UBE2W: variants seen among roughly 807,000 people sequenced by gnomAD.
The protein encoded by UBE2W is ubiquitin conjugating enzyme E2 W.
Under a neutral mutation model 27.2 loss-of-function variants are expected in UBE2W, and 18 were observed. That is an observed-to-expected ratio of 0.66 (90% CI 0.46 to 0.98). The LOEUF is 0.98. Ranked by LOEUF, UBE2W falls within the 50% of genes least tolerant of loss-of-function variation. The pLI, the probability that UBE2W is intolerant of heterozygous loss-of-function variation, is 0.00. For missense variants in UBE2W, 90 were observed against 180.2 expected (o/e 0.50, Z 2.87); for synonymous variants, 53 against 57.2 (o/e 0.93, Z 0.33).
intron 1 of UBE2W, among the ~76,000 whole-genome samples, chr8:73,847,968 G>A (rs1810888908): frequency 6.6e-6 from 1 of 152,112 alleles, no homozygotes; most frequent in Non-Finnish European, 1.5e-5. Context: ...TTGGGAGGCT[G>A]AGGCGGGTGG....
chr8:73,796,913 C>G (rs1808447217), intron 5 of UBE2W, among the ~76,000 whole-genome samples: 1 of 149,536 alleles, frequency 6.7e-6, no homozygotes, highest in Non-Finnish European at 1.5e-5. Context: ...TAAAAAAAAT[C>G]AGAGTAACCC....
chr8:73,783,360 C>A (rs1158976230), downstream of UBE2W, among the ~76,000 whole-genome samples: 1 of 152,104 alleles, frequency 6.6e-6, no homozygotes, highest in Non-Finnish European at 1.5e-5. Context: ...GTCTATGATT[C>A]ATTTTGGGCT....
At chr8:73,833,572 G>T (rs990820239) in intron 1 of UBE2W, among the ~76,000 whole-genome samples, 1 of 151,940 alleles carries the variant, frequency 6.6e-6, no homozygotes. Flanking sequence ...TATTTTGCAC[G>T]CTTATTTGTA....
chr8:73,795,584 G>C (rs963715848), intron 5 of UBE2W, among the ~76,000 whole-genome samples: 1 of 152,126 alleles, frequency 6.6e-6, no homozygotes, highest in African/African-American at 2.4e-5. Flanking sequence ...TCTCATGTTA[G>C]AATTGATATA....
At position 73,791,398 on chromosome 8, in the gene UBE2W, A is replaced by G; in HGVS notation, c.*2704T>C. The G allele has an allele frequency of 1.0e-6, 1 of 984,032 alleles. No individual in the cohort carries two copies. The highest frequency in any genetic ancestry group is 1.2e-6 in the Non-Finnish European group (1 of 828,732). 61.0% of individuals were successfully genotyped at this position (984,032 alleles called of 1,614,324 possible). A position where few individuals can be genotyped will look rare whatever the true frequency, so the allele number is the denominator to read the frequency against. ...CTAAAAATAAATAAATAAATAAATA[A>G]AAGAAGAAGAGTGTACCTTATCTTC... On this transcript the variant is annotated 3_prime_UTR_variant, in exon 6 of 6. Transcript: ENST00000602593.
chr8:73,780,601 A>G, intron 4 of UBE2W: 1 of 417,340 alleles, frequency 2.4e-6, no homozygotes. Flanking sequence ...GGCACAATGC[A>G]ACCTCCATCT....
At chr8:73,819,588 A>T (rs975978753) in intron 3 of UBE2W, among the ~76,000 whole-genome samples, 1 of 152,232 alleles carries the variant, frequency 6.6e-6, no homozygotes, top group Non-Finnish European at 1.5e-5. Context: ...CAGAATATGT[A>T]CATAGAAAGC....
intron 5 of UBE2W, among the ~76,000 whole-genome samples, chr8:73,803,258 C>T (rs1178056990): frequency 6.6e-6 from 1 of 152,022 alleles, no homozygotes; most frequent in East Asian, 1.9e-4. Flanking sequence ...ACTGAACCCA[C>T]AAGAAATATT....
chr8:73,851,949 C>CTTT (rs1233139164), intron 1 of UBE2W, among the ~76,000 whole-genome samples: 17 of 114,424 alleles, frequency 1.5e-4, no homozygotes, highest in African/African-American at 5.3e-4. Flanking sequence ...CCCAGTCTCT[C>CTTT]TTTTTTTTTT....
At chr8:73,870,827 G>GA (rs60577226) in intron 1 of UBE2W, among the ~76,000 whole-genome samples, 6,426 of 99,494 alleles carry the variant, frequency 0.065, 465 homozygotes, top group African/African-American at 0.19. Flanking sequence ...TGAGTGAAAA[G>GA]AAAAAAAAAA....
rs1417728785 is a variant in UBE2W at position 73,788,616 on chromosome 8, G to A, written c.*5486C>T. On this transcript the variant is annotated 3_prime_UTR_variant, in exon 6 of 6. Transcript: ENST00000602593. ...GTAGATTTCAGGCTTTAAATTGTAA[G>A]TTTCAGGCTTCAAAAGAGGCAGGAT... 1 of 985,292 alleles carries A rather than the reference G, an allele frequency of 1.0e-6. No homozygotes were observed. Among genetic ancestry groups the A allele is most frequent in the African/African-American group, 1.7e-5 (1 of 57,232 alleles). The allele number at this position is 985,292 out of a possible 1,614,324, so 61.0% of individuals were successfully genotyped here. A position where few individuals can be genotyped will look rare whatever the true frequency, so the allele number is the denominator to read the frequency against.
chr8:73,875,213 ACT>A (rs1324774121), intron 1 of UBE2W, among the ~76,000 whole-genome samples: 1 of 152,154 alleles, frequency 6.6e-6, no homozygotes, highest in African/African-American at 2.4e-5. Context: ...ATATGGCAGA[ACT>A]CTAGCAATAT....
At chr8:73,809,503 G>C (rs1809061241) in intron 4 of UBE2W, among the ~76,000 whole-genome samples, 1 of 152,140 alleles carries the variant, frequency 6.6e-6, no homozygotes. Context: ...CCTTAAGCAG[G>C]AATGACAAGA....
At chr8:73,794,261 A>G (rs1453079154) in intron 5 of UBE2W, 146 bp from the exon 6 acceptor site, 1 of 941,320 alleles carries the variant, frequency 1.1e-6, no homozygotes, top group East Asian at 2.7e-5. Context: ...CTGTGAATAC[A>G]AAGTGCAATA....
At chr8:73,866,284 AAAAAAAAT>A (rs1811758462) in intron 1 of UBE2W, among the ~76,000 whole-genome samples, 1 of 95,330 alleles carries the variant, frequency 1.0e-5, no homozygotes, top group African/African-American at 4.3e-5. Context: ...AAAAAAAAAA[AAAAAAAAT>A]ATATATATAT....
In UBE2W at chr8:73,788,682, G is replaced by A. The variant is rs1808064977; in HGVS notation, c.*5420C>T. On this transcript the variant is annotated 3_prime_UTR_variant, in exon 6 of 6. Coordinates refer to ENST00000602593, the MANE Select transcript of UBE2W (RefSeq NM_018299.6). Reference sequence around the variant, plus strand: ...TACACCAGAAAATCTGACAAGTGATGTCATTTTGAAATCATGCTTTTGCCT... The same window carrying A: ...TACACCAGAAAATCTGACAAGTGATATCATTTTGAAATCATGCTTTTGCCT... 1 of 985,432 alleles carries A rather than the reference G, an allele frequency of 1.0e-6. No homozygotes were observed. Among genetic ancestry groups the A allele is most frequent in the Non-Finnish European group, 1.2e-6 (1 of 829,910 alleles). The allele number at this position is 985,432 out of a possible 1,614,324, so 61.0% of individuals were successfully genotyped here.
chr8:73,830,431 T>C lies in UBE2W; in HGVS notation c.57A>G (p.Pro19=). ...TCTCATTTAAGGTCATTCCAGGAGG[T>C]GGGTCATTTTGCAAAGCCAACAGTT... ...QKELLALQND[P]PPGMTLNEKS... is the part of the protein sequence containing the mutation. Residue 19 remains proline, a synonymous_variant, in exon 2 of 6, where the codon CCA becomes CCG. Transcript: ENST00000602593. The C allele has an allele frequency of 6.2e-7, 1 of 1,613,852 alleles. No homozygotes were observed. The highest frequency in any genetic ancestry group is 8.5e-7 in the Non-Finnish European group (1 of 1,179,810).
At chr8:73,854,728 G>A (rs537329186) in intron 1 of UBE2W, among the ~76,000 whole-genome samples, 5 of 152,156 alleles carry the variant, frequency 3.3e-5, no homozygotes, top group African/African-American at 4.8e-5. Flanking sequence ...TAATTTGAGA[G>A]TTGGGGAACC....
intron 3 of UBE2W, among the ~76,000 whole-genome samples, chr8:73,814,374 G>A (rs906134989): frequency 2.0e-5 from 3 of 152,190 alleles, no homozygotes; most frequent in South Asian, 2.1e-4. Flanking sequence ...AACAGCCAAC[G>A]ATGGAGACCA....
Sources: allele counts gnomAD v4.1 joint callset (sites outside exome capture counted in the v4.1 genomes callset), GRCh38; gene constraint gnomAD v4.1.1; transcripts MANE v1.5; gene names NCBI Gene and HGNC (gene_info 2026-07-23, HGNC 2026-07-21).